Variants in PTK2 observed in about 807,000 individuals in gnomAD.
PTK2 encodes protein tyrosine kinase 2.
Under a neutral mutation model 150.1 loss-of-function variants are expected in PTK2, and 45 were observed. That is an observed-to-expected ratio of 0.30 (90% CI 0.24 to 0.38). The LOEUF (loss-of-function observed/expected upper bound fraction) is 0.38, where lower values mean the gene tolerates loss of function less well. Among genes scored for constraint, PTK2 ranks in the 10% least tolerant of loss-of-function variants. The pLI is 1.00. For synonymous variants in PTK2, 432 were observed against 449.2 expected (o/e 0.96, Z 0.48); for missense variants, 919 against 1,307.3 (o/e 0.70, Z 4.58).
chr8:140,776,652 A>C (rs1219905508), intron 14 of PTK2, among the ~76,000 whole-genome samples: 1 of 152,232 alleles, frequency 6.6e-6, no homozygotes, highest in Non-Finnish European at 1.5e-5. Flanking sequence ...GGAGAGAAGC[A>C]GGCTTGGCGT....
At chr8:140,914,610 T>C (rs973034827) in intron 2 of PTK2, among the ~76,000 whole-genome samples, 2 of 152,300 alleles carry the variant, frequency 1.3e-5, no homozygotes, top group East Asian at 1.9e-4. Flanking sequence ...CAGTGTCTGT[T>C]GTTCCCTTCT....
chr8:140,759,293 G>C (rs936713531), intron 16 of PTK2, among the ~76,000 whole-genome samples: 2 of 152,120 alleles, frequency 1.3e-5, no homozygotes, highest in Non-Finnish European at 2.9e-5. Context: ...TGGTACAGCT[G>C]TGTTGGAAAT....
intron 1 of PTK2, among the ~76,000 whole-genome samples, chr8:140,976,719 T>C (rs1049913756): frequency 6.6e-5 from 10 of 152,172 alleles, no homozygotes; most frequent in African/African-American, 9.7e-5. Flanking sequence ...AGGCAGAAAA[T>C]AGAAACTCTA....
intron 4 of PTK2, among the ~76,000 whole-genome samples, chr8:140,875,330 T>C (rs148624394): frequency 5.9e-4 from 90 of 152,298 alleles, no homozygotes; most frequent in African/African-American, 2.1e-3. Flanking sequence ...GGCCATATTA[T>C]TCAACAATTA....
At chr8:140,710,969 G>A (rs1056054214) in intron 23 of PTK2, among the ~76,000 whole-genome samples, 1 of 152,162 alleles carries the variant, frequency 6.6e-6, no homozygotes, top group Non-Finnish European at 1.5e-5. Flanking sequence ...AGACAGTCAC[G>A]CTCTGTCGCC....
At chr8:140,780,578 T>C (rs964675609) in intron 14 of PTK2, among the ~76,000 whole-genome samples, 4 of 152,184 alleles carry the variant, frequency 2.6e-5, no homozygotes, top group Admixed American at 1.3e-4. Flanking sequence ...AACAGAGTAA[T>C]TGCAACTAGT....
At chr8:140,842,269 TA>T (rs749209810) in intron 7 of PTK2, among the ~76,000 whole-genome samples, 6 of 152,008 alleles carry the variant, frequency 3.9e-5, no homozygotes, top group Non-Finnish European at 7.4e-5. Context: ...ATAAATAAAT[TA>T]AAAATCATTT....
intron 24 of PTK2, among the ~76,000 whole-genome samples, chr8:140,704,921 G>T (rs954441865): frequency 1.3e-5 from 2 of 152,100 alleles, no homozygotes; most frequent in African/African-American, 4.8e-5. Flanking sequence ...AACATTCAGT[G>T]CAACCTTGCT....
chr8:140,675,871 T>C (rs957893925), intron 27 of PTK2: 2 of 168,580 alleles, frequency 1.2e-5, no homozygotes, highest in African/African-American at 4.8e-5. Context: ...GAACTCAAAA[T>C]AGAACTACCA....
intron 2 of PTK2, among the ~76,000 whole-genome samples, chr8:140,900,484 G>A (rs1397894406): frequency 6.6e-6 from 1 of 152,112 alleles, no homozygotes; most frequent in Non-Finnish European, 1.5e-5. Context: ...CACTTTGGGA[G>A]GTCAAGGCAG....
intron 3 of PTK2, among the ~76,000 whole-genome samples, chr8:140,882,802 A>G (rs1303056665): frequency 6.6e-6 from 1 of 152,334 alleles, no homozygotes; most frequent in East Asian, 1.9e-4. Context: ...CACTGCATAG[A>G]AACAGACAAA....
chr8:140,812,002 ATC>A, intron 10 of PTK2, among the ~76,000 whole-genome samples: 1 of 152,346 alleles, frequency 6.6e-6, no homozygotes, highest in South Asian at 2.1e-4. Flanking sequence ...TCAGGATATG[ATC>A]TATGAAAAGT....
chr8:140,774,327 C>T (rs756028009), intron 14 of PTK2, among the ~76,000 whole-genome samples: 3 of 152,216 alleles, frequency 2.0e-5, no homozygotes, highest in African/African-American at 7.2e-5. Flanking sequence ...ATGGTTATAA[C>T]TGCAGAGGGC....
At chr8:140,855,827 A>G (rs1262533782) in intron 5 of PTK2, among the ~76,000 whole-genome samples, 1 of 152,166 alleles carries the variant, frequency 6.6e-6, no homozygotes, top group East Asian at 1.9e-4. Flanking sequence ...TATAAAATGA[A>G]AAGAGTTACA....
At chr8:140,901,649 C>CT (rs556569172) in intron 2 of PTK2, among the ~76,000 whole-genome samples, 24,925 of 136,540 alleles carry the variant, frequency 0.18, 2,487 homozygotes, top group East Asian at 0.46. Context: ...AAGATCCTGT[C>CT]TTTTTTTTTT....
intron 20 of PTK2, among the ~76,000 whole-genome samples, chr8:140,741,149 A>C (rs1432593458): frequency 1.3e-5 from 2 of 150,088 alleles, no homozygotes; most frequent in Non-Finnish European, 1.5e-5. Context: ...GTCTTAAAAA[A>C]TGTTTTAATT....
intron 20 of PTK2, 51 bp from the exon 24 acceptor site, chr8:140,739,158 T>G: frequency 8.0e-7 from 1 of 1,245,538 alleles, no homozygotes; most frequent in Middle Eastern, 2.1e-4. Context: ...TGCTTAAGAA[T>G]CTAACAGAGC....
At chr8:140,732,380 T>C (rs962631959) in intron 22 of PTK2, among the ~76,000 whole-genome samples, 2 of 152,230 alleles carry the variant, frequency 1.3e-5, no homozygotes, top group African/African-American at 4.8e-5. Context: ...CAGGTACCTA[T>C]TTAAAGTAAT....
At chr8:140,839,489 C>A (rs527624645) in intron 7 of PTK2, among the ~76,000 whole-genome samples, 70 of 152,108 alleles carry the variant, frequency 4.6e-4, no homozygotes, top group African/African-American at 1.6e-3. Flanking sequence ...AAGAAATAAA[C>A]GGCACAAACA....
Sources: allele counts gnomAD v4.1 joint callset (sites outside exome capture counted in the v4.1 genomes callset), GRCh38; gene constraint gnomAD v4.1.1; transcripts MANE v1.5; gene names NCBI Gene and HGNC (gene_info 2026-07-23, HGNC 2026-07-21).